GRID2: variants seen among roughly 807,000 people sequenced by gnomAD.
The protein encoded by GRID2 is glutamate ionotropic receptor delta type subunit 2, also known as glutamate receptor ionotropic, delta-2.
GRID2 carries 33 observed loss-of-function variants against 114.8 expected under a neutral mutation model. The observed-to-expected ratio is 0.29, with a 90% CI of 0.22 to 0.38. The LOEUF (loss-of-function observed/expected upper bound fraction) is 0.38. GRID2 is among the 10% of genes least tolerant of loss of function. The pLI is 1.00. For synonymous variants in GRID2, 505 were observed against 449.9 expected (o/e 1.12, Z -1.55); for missense variants, 1,184 against 1,257.7 (o/e 0.94, Z 0.89).
At chr4:93,063,441 T>A (rs1254933936) in intron 2 of GRID2, among the ~76,000 whole-genome samples, 1 of 151,858 alleles carries the variant, frequency 6.6e-6, no homozygotes, top group Non-Finnish European at 1.5e-5. Context: ...AAATCTGCAA[T>A]TAATTTCTCC....
intron 1 of GRID2, among the ~76,000 whole-genome samples, chr4:92,579,387 T>C (rs550227359): frequency 6.6e-6 from 1 of 152,122 alleles, no homozygotes; most frequent in Non-Finnish European, 1.5e-5. Context: ...AGAGGATTAC[T>C]ACATTCCATG....
At chr4:93,683,561 G>A (rs1473934923) in intron 14 of GRID2, among the ~76,000 whole-genome samples, 2 of 152,012 alleles carry the variant, frequency 1.3e-5, no homozygotes, top group South Asian at 2.1e-4. Context: ...AGTTATTTTA[G>A]GAGAAAATTT....
intron 1 of GRID2, among the ~76,000 whole-genome samples, chr4:92,534,834 G>A (rs904067790): frequency 1.3e-5 from 2 of 152,042 alleles, no homozygotes; most frequent in African/African-American, 4.8e-5. Flanking sequence ...TTATGAGTGA[G>A]TATATTTCAA....
chr4:92,631,566 A>G (rs1195584745), intron 2 of GRID2, among the ~76,000 whole-genome samples: 1 of 152,082 alleles, frequency 6.6e-6, no homozygotes, highest in African/African-American at 2.4e-5. Flanking sequence ...TTATTTTTTT[A>G]AATTAGAAAT....
chr4:92,920,000 C>G (rs1443756926), intron 2 of GRID2, among the ~76,000 whole-genome samples: 1 of 151,996 alleles, frequency 6.6e-6, no homozygotes, highest in Non-Finnish European at 1.5e-5. Flanking sequence ...CTTTGTAGGT[C>G]CAAGGACTTG....
intron 2 of GRID2, among the ~76,000 whole-genome samples, chr4:92,989,068 G>T (rs1269943674): frequency 1.3e-5 from 2 of 151,922 alleles, no homozygotes; most frequent in African/African-American, 4.8e-5. Context: ...ACGAGGTCCG[G>T]AGATGGAGAC....
chr4:93,333,537 A>G (rs1194662525), intron 8 of GRID2, among the ~76,000 whole-genome samples: 1 of 152,210 alleles, frequency 6.6e-6, no homozygotes, highest in Non-Finnish European at 1.5e-5. Flanking sequence ...GAACTGAAAC[A>G]AAGAACCCCT....
intron 1 of GRID2, among the ~76,000 whole-genome samples, chr4:92,577,410 G>A (rs1446116357): frequency 6.6e-6 from 1 of 152,186 alleles, no homozygotes. Flanking sequence ...AAGGATGATG[G>A]TAGGACCGAG....
intron 1 of GRID2, among the ~76,000 whole-genome samples, chr4:92,534,703 A>G (rs1056973965): frequency 4.6e-5 from 7 of 152,188 alleles, no homozygotes; most frequent in African/African-American, 1.7e-4. Context: ...AGTCGTGATT[A>G]GGAATGCTGT....
intron 8 of GRID2, among the ~76,000 whole-genome samples, chr4:93,298,399 T>A (rs1754535492): frequency 6.6e-6 from 1 of 152,170 alleles, no homozygotes; most frequent in Non-Finnish European, 1.5e-5. Context: ...GGCTGTTCCC[T>A]CAAATGCCAC....
intron 1 of GRID2, among the ~76,000 whole-genome samples, chr4:92,579,124 C>G (rs1385850871): frequency 6.6e-6 from 1 of 152,030 alleles, no homozygotes; most frequent in Admixed American, 6.6e-5. Context: ...TCTTCATACA[C>G]CAGGAGGGCA....
intron 2 of GRID2, among the ~76,000 whole-genome samples, chr4:92,708,403 G>A (rs1430448441): frequency 6.6e-6 from 1 of 152,120 alleles, no homozygotes; most frequent in Non-Finnish European, 1.5e-5. Flanking sequence ...TTTCCTGGGG[G>A]ATGGTAATAC....
intron 14 of GRID2, among the ~76,000 whole-genome samples, chr4:93,682,374 G>A (rs1439857284): frequency 3.3e-5 from 5 of 151,698 alleles, no homozygotes; most frequent in African/African-American, 7.3e-5. Context: ...TCAGTGTGGC[G>A]ATTCCTCAGG....
intron 1 of GRID2, among the ~76,000 whole-genome samples, chr4:92,551,254 CTGTGTGTGTGTG>C (rs34809917): frequency 3.4e-5 from 5 of 146,982 alleles, no homozygotes; most frequent in African/African-American, 7.5e-5. Flanking sequence ...ACATCTACAC[CTGTGTGTGTGTG>C]TGTGTGTGTG....
chr4:92,443,193 G>C (rs1310293357), intron 1 of GRID2, among the ~76,000 whole-genome samples: 7 of 152,252 alleles, frequency 4.6e-5, no homozygotes, highest in South Asian at 2.1e-4. Context: ...ATGCCTGGAC[G>C]TCAGGCACCT....
At chr4:92,337,775 G>A (rs1474594388) in intron 1 of GRID2, among the ~76,000 whole-genome samples, 2 of 152,120 alleles carry the variant, frequency 1.3e-5, no homozygotes, top group African/African-American at 2.4e-5. Flanking sequence ...TTTGGGTGGG[G>A]ACACAAAGCC....
Position 93,168,705 on chromosome 4 carries a change from G to A in GRID2, c.736-38699G>A, listed in dbSNP as rs550872072. ...CAACTTAAGATCTTACAGAAAAAGA[G>A]AAACAGAACCGTGACTAGAGATACT... On this transcript the variant is annotated intron_variant, in intron 4 of 15. Coordinates refer to ENST00000282020, the MANE Select transcript of GRID2 (RefSeq NM_001510.4). 4.6e-4 allele frequency among the ~76,000 whole-genome samples: 70 copies of A among 152,136 alleles called. No homozygotes were observed. In the South Asian group the frequency reaches 4.8e-3, roughly 10 times the overall value.
At chr4:93,327,631 C>T (rs937203548) in intron 8 of GRID2, among the ~76,000 whole-genome samples, 3 of 151,812 alleles carry the variant, frequency 2.0e-5, no homozygotes, top group African/African-American at 4.8e-5. Context: ...AGTGAAACAA[C>T]TCAGACACAG....
At chr4:92,725,237 G>A (rs572029113) in intron 2 of GRID2, among the ~76,000 whole-genome samples, 1 of 152,226 alleles carries the variant, frequency 6.6e-6, no homozygotes, top group Admixed American at 6.5e-5. Context: ...GAGGTGGAGG[G>A]AGGTTGCAGT....
Sources: allele counts gnomAD v4.1 joint callset (sites outside exome capture counted in the v4.1 genomes callset), GRCh38; gene constraint gnomAD v4.1.1; transcripts MANE v1.5; gene names NCBI Gene and HGNC (gene_info 2026-07-23, HGNC 2026-07-21).